MTMR12: variants seen among roughly 807,000 people sequenced by gnomAD.
MTMR12 encodes the protein myotubularin related protein 12, also known as myotubularin-related protein 12.
A neutral mutation model predicts 96.7 loss-of-function variants in MTMR12; 33 were observed. That is an observed-to-expected ratio of 0.34 (90% CI 0.26 to 0.46). MTMR12 has a LOEUF of 0.46. Ranked by LOEUF, MTMR12 falls within the 20% of genes least tolerant of loss-of-function variation. The probability of loss-of-function intolerance (pLI) is 1.00; values close to 1 mark genes in which losing one functional copy is unlikely to be tolerated. For missense variants in MTMR12, 721 were observed against 896.1 expected (o/e 0.80, Z 2.49); for synonymous variants, 298 against 327.2 (o/e 0.91, Z 0.96).
At chr5:32,270,551 G>A (rs1039678465) in intron 5 of MTMR12, among the ~76,000 whole-genome samples, 3 of 152,134 alleles carry the variant, frequency 2.0e-5, no homozygotes, top group Non-Finnish European at 2.9e-5. Flanking sequence ...CTACTGACCT[G>A]GTTTACCACC....
intron 8 of MTMR12, among the ~76,000 whole-genome samples, chr5:32,250,029 A>G (rs186163016): frequency 1.3e-5 from 2 of 152,344 alleles, no homozygotes; most frequent in East Asian, 3.9e-4. Flanking sequence ...CCTTTTTGCC[A>G]TTCATCTGCC....
chr5:32,286,629 T>C (rs925693625), intron 1 of MTMR12, among the ~76,000 whole-genome samples: 5 of 152,212 alleles, frequency 3.3e-5, no homozygotes, highest in African/African-American at 1.2e-4. Context: ...AAAGATTCTG[T>C]CTCTACACAT....
Position 32,229,297 on chromosome 5 carries a change from T to C in MTMR12, c.*481A>G, listed in dbSNP as rs1446447352. The C allele has an allele frequency of 6.5e-6, 1 of 152,916 alleles. No homozygotes were observed. Among genetic ancestry groups the C allele is most frequent in the Non-Finnish European group, 1.5e-5 (1 of 68,296 alleles). 9.5% of individuals were successfully genotyped at this position (152,916 alleles called of 1,614,324 possible). On this transcript the variant is annotated 3_prime_UTR_variant, in exon 16 of 16. Coordinates refer to ENST00000382142, the MANE Select transcript of MTMR12 (RefSeq NM_001040446.3). ...TGGTTTAAGTAAATGCCACACATCT[T>C]AATACCTCTATCTGAATCTTCAACT... is the stretch of plus-strand genomic sequence containing the variant.
intron 6 of MTMR12, among the ~76,000 whole-genome samples, chr5:32,263,534 T>C (rs2112062153): frequency 6.6e-6 from 1 of 151,370 alleles, no homozygotes; most frequent in East Asian, 2.0e-4. Flanking sequence ...GCCTGCCAGG[T>C]TAAAGTGATT....
rs959092230 is a variant in MTMR12 at position 32,234,568 on chromosome 5, T to C, written c.1512+394A>G. Among the ~76,000 whole-genome samples the C allele has an allele frequency of 3.3e-5, 5 of 152,320 alleles. 1 individual carries two copies. The South Asian group carries it at 1.0e-3, about 32-fold the overall frequency. On this transcript the variant is annotated intron_variant, in intron 14 of 15. Transcript: ENST00000382142. ...ATGGACAGCTTTGAATTTTGCTTAA[T>C]TCCCCAGCTTCAACACTTGCTTCCA... is the stretch of plus-strand genomic sequence containing the variant.
intron 4 of MTMR12, 35 bp downstream of exon 4, chr5:32,271,798 G>T: frequency 1.5e-6 from 2 of 1,337,430 alleles, no homozygotes; most frequent in Non-Finnish European, 2.1e-6. Context: ...TACTCTCAAA[G>T]GTTGCCAACA....
At chr5:32,283,094 A>G (rs1750372127) in intron 1 of MTMR12, among the ~76,000 whole-genome samples, 1 of 152,098 alleles carries the variant, frequency 6.6e-6, no homozygotes, top group South Asian at 2.1e-4. Flanking sequence ...TGTGCATCCT[A>G]CTCCTAACCA....
At position 32,309,128 on chromosome 5, in the gene MTMR12, T is replaced by C. The variant is rs529661667; in HGVS notation, c.81+3630A>G. ...TTCCCTAATTATCCCTCAAAGGAAA[T>C]ACATCAGGCACTGTGGGCAAAGAGG... On this transcript the variant is annotated intron_variant, in intron 1 of 15. Transcript: ENST00000382142. Among the ~76,000 whole-genome samples, 4 of 152,282 alleles carry C rather than the reference T, an allele frequency of 2.6e-5. No homozygotes were observed. The East Asian group carries it at 7.7e-4, about 29-fold the overall frequency.
chr5:32,231,328 G>A (rs151145912), intron 15 of MTMR12, among the ~76,000 whole-genome samples: 3,125 of 147,500 alleles, frequency 0.021, 124 homozygotes, highest in African/African-American at 0.075. Context: ...GCAGTGAGCC[G>A]AGATCACGCC....
Position 32,239,240 on chromosome 5 carries a change from G to C in MTMR12, c.1172-67C>G, listed in dbSNP as rs1748363770. The C allele has an allele frequency of 9.1e-6, 13 of 1,436,458 alleles. No homozygotes were observed. The South Asian group carries it at 2.0e-4, about 22-fold the overall frequency. The allele number at this position is 1,436,458 out of a possible 1,614,324, so 89.0% of individuals were successfully genotyped here. A position where few individuals can be genotyped will look rare whatever the true frequency, so the allele number is the denominator to read the frequency against. On this transcript the variant is annotated intron_variant, in intron 12 of 15. Transcript: ENST00000382142. Reference sequence around the variant, plus strand: ...ATAAAATGTTAAAAAGTTTCAGAATGCTCTCACTTGCACAGTTAAAAGTAG... The same window carrying C: ...ATAAAATGTTAAAAAGTTTCAGAATCCTCTCACTTGCACAGTTAAAAGTAG...
chr5:32,274,806 C>T (rs1027715175), intron 2 of MTMR12, among the ~76,000 whole-genome samples: 1 of 152,170 alleles, frequency 6.6e-6, no homozygotes, highest in African/African-American at 2.4e-5. Flanking sequence ...CCTCCATCTG[C>T]AGCACCCAGC....
Position 32,243,618 on chromosome 5 carries a change from G to A in MTMR12, c.1022-19C>T. 1.3e-6 allele frequency: 2 copies of A among 1,504,322 alleles called. No homozygotes were observed. Among genetic ancestry groups the A allele is most frequent in the Middle Eastern group, 3.4e-4 (2 of 5,856 alleles). The allele number at this position is 1,504,322 out of a possible 1,614,324, so 93.2% of individuals were successfully genotyped here. A position where few individuals can be genotyped will look rare whatever the true frequency, so the allele number is the denominator to read the frequency against. On this transcript the variant is annotated intron_variant, in intron 10 of 15. Coordinates refer to ENST00000382142, the MANE Select transcript of MTMR12 (RefSeq NM_001040446.3). ...CTGTTATCTGAAAAAAGAAAAAGGA[G>A]TAAAGACGTCAGGTCATTGTTCACT...
At chr5:32,288,621 T>G (rs1750636198) in intron 1 of MTMR12, among the ~76,000 whole-genome samples, 1 of 152,174 alleles carries the variant, frequency 6.6e-6, no homozygotes, top group South Asian at 2.1e-4. Flanking sequence ...GGGTATAGGA[T>G]AATGGTAGAA....
At chr5:32,256,920 T>C (rs777250969) in intron 7 of MTMR12, among the ~76,000 whole-genome samples, 4 of 152,226 alleles carry the variant, frequency 2.6e-5, no homozygotes, top group African/African-American at 9.6e-5. Flanking sequence ...TTAACAAACC[T>C]ACCAATCTCA....
chr5:32,242,250 C>T (rs548168378), intron 11 of MTMR12, 123 bp from the exon 12 acceptor site: 38 of 524,536 alleles, frequency 7.2e-5, no homozygotes, highest in African/African-American at 3.7e-4. Flanking sequence ...TTTTTTTCCA[C>T]GCTAAAATCC....
intron 8 of MTMR12, among the ~76,000 whole-genome samples, chr5:32,252,434 C>T (rs1748969612): frequency 6.6e-6 from 1 of 152,222 alleles, no homozygotes; most frequent in Non-Finnish European, 1.5e-5. Flanking sequence ...CAAACTATCT[C>T]TTCAATCTTA....
At chr5:32,289,343 A>C (rs1750660043) in intron 1 of MTMR12, among the ~76,000 whole-genome samples, 1 of 152,174 alleles carries the variant, frequency 6.6e-6, no homozygotes, top group African/African-American at 2.4e-5. Flanking sequence ...CCCCTCAATC[A>C]ATTTCCAGAC....
At chr5:32,243,648 T>C (rs761135311) in intron 10 of MTMR12, 49 bp from the exon 11 acceptor site, 8 of 1,216,046 alleles carry the variant, frequency 6.6e-6, no homozygotes, top group East Asian at 4.6e-5. Flanking sequence ...TTCACTGACA[T>C]ACTTGCCACA....
At chr5:32,230,493 G>A (rs978948451) in intron 15 of MTMR12, 146 bp from the exon 16 acceptor site, 19 of 728,704 alleles carry the variant, frequency 2.6e-5, no homozygotes, top group Admixed American at 5.8e-5. Flanking sequence ...TCATTAACAC[G>A]CTGTGACATC....
Sources: gnomAD v4.1 joint callset for allele counts (sites outside exome capture counted in the v4.1 genomes callset) on GRCh38, gnomAD v4.1.1 for gene constraint, MANE v1.5 for transcripts, NCBI Gene and HGNC (gene_info 2026-07-23, HGNC 2026-07-21) for gene names.